The following ARHGAP6 variants were observed in gnomAD, a reference collection of about 807,000 sequenced individuals.
ARHGAP6 encodes rho GTPase-activating protein 6.
A neutral mutation model predicts 55.7 loss-of-function variants in ARHGAP6; 16 were observed. The ratio of observed to expected loss-of-function variants is 0.29; its 90% CI spans 0.19 to 0.44. The LOEUF is 0.44. Ranked by LOEUF, ARHGAP6 falls within the 20% of genes least tolerant of loss-of-function variation. The pLI is 1.00. For synonymous variants in ARHGAP6, 382 were observed against 360.9 expected (o/e 1.06, Z -0.66); for missense variants, 698 against 808.9 (o/e 0.86, Z 1.66).
chrX:11,183,102 C>T (rs1022088971), intron 5 of ARHGAP6, among the ~76,000 whole-genome samples: 40 of 111,089 alleles, frequency 3.6e-4, no homozygotes, highest in Non-Finnish European at 1.7e-4. Context: ...TTAAAAGGGA[C>T]AAAAGACTAC....
At chrX:11,281,379 C>T (rs895605179) in intron 1 of ARHGAP6, among the ~76,000 whole-genome samples, 1 of 110,239 alleles carries the variant, frequency 9.1e-6, no homozygotes, top group African/African-American at 3.3e-5. Flanking sequence ...AACTTATGTG[C>T]ACTTCTCTAC....
At chrX:11,636,766 G>C (rs992510498) in intron 1 of ARHGAP6, among the ~76,000 whole-genome samples, 5 of 111,673 alleles carry the variant, frequency 4.5e-5, no homozygotes, top group Non-Finnish European at 9.4e-5. Flanking sequence ...GCTCAGGTGG[G>C]CATCCACATT....
chrX:11,250,805 A>G (rs1356817376), intron 2 of ARHGAP6, among the ~76,000 whole-genome samples: 1 of 111,293 alleles, frequency 9.0e-6, no homozygotes, highest in Non-Finnish European at 1.9e-5. Context: ...TCACGTTTGC[A>G]AAGTTCCTTT....
intron 1 of ARHGAP6, among the ~76,000 whole-genome samples, chrX:11,615,289 C>G (rs998057196): frequency 1.8e-5 from 2 of 111,834 alleles, no homozygotes; most frequent in Non-Finnish European, 3.8e-5. Flanking sequence ...AGCACCACTT[C>G]CATCCAAATA....
At chrX:11,542,286 A>G (rs1353940456) in intron 1 of ARHGAP6, among the ~76,000 whole-genome samples, 1 of 110,776 alleles carries the variant, frequency 9.0e-6, no homozygotes, top group Non-Finnish European at 1.9e-5. Flanking sequence ...AGCCTGACCA[A>G]CATGGTGAAA....
At chrX:11,151,017 A>G (rs1200443935) in intron 10 of ARHGAP6, among the ~76,000 whole-genome samples, 1 of 111,350 alleles carries the variant, frequency 9.0e-6, no homozygotes, top group Non-Finnish European at 1.9e-5. Context: ...TGTCTAGGCA[A>G]GCGTCTCACT....
intron 1 of ARHGAP6, among the ~76,000 whole-genome samples, chrX:11,567,338 G>A (rs1363752536): frequency 2.7e-5 from 3 of 109,452 alleles, no homozygotes. Context: ...AATCCTACTA[G>A]GTAATACTGA....
At chrX:11,162,336 C>CCG (rs2045961295) in intron 9 of ARHGAP6, among the ~76,000 whole-genome samples, 2 of 90,681 alleles carry the variant, frequency 2.2e-5, no homozygotes, top group South Asian at 7.3e-4. Context: ...AAACTGTGCC[C>CCG]CCCCCCCCAT....
chrX:11,171,653 A>AT (rs781148308), intron 8 of ARHGAP6, among the ~76,000 whole-genome samples: 2 of 112,047 alleles, frequency 1.8e-5, no homozygotes, highest in Non-Finnish European at 3.8e-5. Flanking sequence ...AGGTTTGGGA[A>AT]TTTTTTCTAC....
chrX:11,162,089 C>T (rs2045954255), intron 9 of ARHGAP6, among the ~76,000 whole-genome samples: 1 of 111,436 alleles, frequency 9.0e-6, no homozygotes, highest in African/African-American at 3.3e-5. Context: ...TTCAGCTAGC[C>T]TCCCTCAAAG....
At chrX:11,358,737 C>A (rs1465635069) in intron 1 of ARHGAP6, among the ~76,000 whole-genome samples, 1 of 111,349 alleles carries the variant, frequency 9.0e-6, no homozygotes, top group Non-Finnish European at 1.9e-5. Context: ...CCACCTTGGC[C>A]ACCCAAAGTG....
chrX:11,166,372 AG>A (rs1438736977), intron 9 of ARHGAP6, among the ~76,000 whole-genome samples: 1 of 112,009 alleles, frequency 8.9e-6, no homozygotes, highest in African/African-American at 3.3e-5. Context: ...TAATGCTAAT[AG>A]AAGTGACACC....
chrX:11,496,709 C>A (rs2050626495), intron 1 of ARHGAP6, among the ~76,000 whole-genome samples: 1 of 112,149 alleles, frequency 8.9e-6, no homozygotes, highest in Admixed American at 9.5e-5. Flanking sequence ...ACCATACATC[C>A]ATCACTGGAT....
chrX:11,629,601 T>A (rs1251021922), intron 1 of ARHGAP6, among the ~76,000 whole-genome samples: 1 of 110,422 alleles, frequency 9.1e-6, no homozygotes, highest in Non-Finnish European at 1.9e-5. Context: ...AAATTTACTA[T>A]AAGTCACTCT....
intron 2 of ARHGAP6, among the ~76,000 whole-genome samples, chrX:11,214,256 A>AGC (rs1414843136): frequency 1.7e-5 from 1 of 59,804 alleles, no homozygotes; most frequent in Non-Finnish European, 3.4e-5. Flanking sequence ...CCTTTGCTTA[A>AGC]GCACACACAC....
intron 1 of ARHGAP6, among the ~76,000 whole-genome samples, chrX:11,269,788 C>A (rs1474712115): frequency 9.0e-6 from 1 of 111,497 alleles, no homozygotes; most frequent in African/African-American, 3.3e-5. Flanking sequence ...CTCATTGCTG[C>A]CATTTGCTTC....
intron 1 of ARHGAP6, among the ~76,000 whole-genome samples, chrX:11,441,765 C>T (rs922757542): frequency 1.8e-5 from 2 of 110,734 alleles, no homozygotes; most frequent in African/African-American, 6.6e-5. Context: ...AAAAATGATC[C>T]TTTTAGGTGC....
In ARHGAP6 at chrX:11,380,937, A is replaced by G. The variant is rs777738078; in HGVS notation, c.589-126230T>C. On this transcript the variant is annotated intron_variant, in intron 1 of 12. Transcript: ENST00000337414. Reference sequence around the variant, plus strand: ...TACTGGCTTAAAGGATGGGTTCTGAATAAAAGAGACATGAGCTGAAATCTG... The same window carrying G: ...TACTGGCTTAAAGGATGGGTTCTGAGTAAAAGAGACATGAGCTGAAATCTG... Among the ~76,000 whole-genome samples, 14 of 112,764 alleles carry G rather than the reference A, an allele frequency of 1.2e-4. No homozygotes were observed. In the South Asian group the frequency reaches 4.8e-3, roughly 39 times the overall value.
At chrX:11,604,311 A>G (rs2052009749) in intron 1 of ARHGAP6, among the ~76,000 whole-genome samples, 1 of 111,611 alleles carries the variant, frequency 9.0e-6, no homozygotes, top group African/African-American at 3.3e-5. Context: ...TTATAACCCA[A>G]AAAGGGCCCA....
Sources: gnomAD v4.1 joint callset for allele counts (sites outside exome capture counted in the v4.1 genomes callset) on GRCh38, gnomAD v4.1.1 for gene constraint, MANE v1.5 for transcripts, NCBI Gene and HGNC (gene_info 2026-07-23, HGNC 2026-07-21) for gene names.